The following PPIL4 variants were observed in gnomAD, a reference collection of about 807,000 sequenced individuals.
The protein encoded by PPIL4 is peptidyl-prolyl cis-trans isomerase-like 4.
PPIL4 carries 50 observed loss-of-function variants against 69.1 expected under a neutral mutation model. The ratio of observed to expected loss-of-function variants is 0.72; its 90% CI spans 0.58 to 0.92. The LOEUF is 0.92. PPIL4 is among the 40% of genes least tolerant of loss of function. The pLI is 0.00. For synonymous variants in PPIL4, 193 were observed against 191.6 expected, an observed-to-expected ratio of 1.01 and a Z score of -0.06; for missense variants, 480 against 587.9, an observed-to-expected ratio of 0.82 and a Z score of 1.90.
chr6:149,541,082 A>C (rs1399340241), intron 3 of PPIL4, 23 bp from the exon 4 acceptor site: 3 of 1,341,176 alleles, frequency 2.2e-6, no homozygotes, highest in Non-Finnish European at 3.2e-6. Context: ...ATAAGGTTAT[A>C]AATGTAAGTA....
At position 149,522,820 on chromosome 6, in the gene PPIL4, C is replaced by T. The variant is rs1777051183; in HGVS notation, c.871-1649G>A. ...TAGAGACGGGGTTTCACCATGTTGG[C>T]CAGGATGGTCTCGATCTCTTGACCT... On this transcript the variant is annotated intron_variant, in intron 9 of 12. Coordinates refer to ENST00000253329, the MANE Select transcript of PPIL4 (RefSeq NM_139126.4). Among the ~76,000 whole-genome samples the T allele has an allele frequency of 2.0e-5, 3 of 152,082 alleles. No individual in the cohort carries two copies. In the South Asian group the frequency reaches 6.2e-4, roughly 32 times the overall value.
intron 6 of PPIL4, 50 bp from the exon 7 acceptor site, chr6:149,533,624 T>C: frequency 9.5e-7 from 1 of 1,050,132 alleles, no homozygotes; most frequent in Non-Finnish European, 1.4e-6. Context: ...TAAAAAAATC[T>C]GAGAAACATA....
intron 12 of PPIL4, among the ~76,000 whole-genome samples, chr6:149,507,163 CAG>C (rs1245610811): frequency 2.0e-5 from 3 of 152,194 alleles, no homozygotes; most frequent in Non-Finnish European, 2.9e-5. Flanking sequence ...GCTTAAAATT[CAG>C]AGTGATGAAT....
At chr6:149,536,624 C>T (rs561113161) in intron 4 of PPIL4, among the ~76,000 whole-genome samples, 1 of 150,672 alleles carries the variant, frequency 6.6e-6, no homozygotes, top group Non-Finnish European at 1.5e-5. Context: ...TAACTTTATT[C>T]AATTCTATAA....
rs73781224 is a variant in PPIL4 at position 149,541,321 on chromosome 6, A to G, written c.203+46T>C. On this transcript the variant is annotated intron_variant, in intron 3 of 12. Coordinates refer to ENST00000253329, the MANE Select transcript of PPIL4 (RefSeq NM_139126.4). Reference sequence around the variant, plus strand: ...CTGCCCTTCCAGAGGTTAAAAGTAAATAAATAAATAAATAAATAAATAAAT... The same window carrying G: ...CTGCCCTTCCAGAGGTTAAAAGTAAGTAAATAAATAAATAAATAAATAAAT... 3,200 of 564,640 alleles carry G rather than the reference A, an allele frequency of 5.7e-3. 10 individuals are homozygous for G. The highest frequency in any genetic ancestry group is 7.1e-3 in the Non-Finnish European group (2,936 of 416,314). 35.0% of individuals were successfully genotyped at this position (564,640 alleles called of 1,614,324 possible). A position where few individuals can be genotyped will look rare whatever the true frequency, so the allele number is the denominator to read the frequency against.
At chr6:149,544,838 G>A (rs1244946140) in intron 1 of PPIL4, among the ~76,000 whole-genome samples, 2 of 152,172 alleles carry the variant, frequency 1.3e-5, no homozygotes, top group Non-Finnish European at 2.9e-5. Flanking sequence ...GCGGAGCACG[G>A]CAGGAGGTAG....
intron 4 of PPIL4, among the ~76,000 whole-genome samples, chr6:149,537,973 T>C (rs1277731660): frequency 2.0e-5 from 3 of 152,036 alleles, no homozygotes; most frequent in Admixed American, 2.0e-4. Context: ...TTAATATTGT[T>C]TTCAGCTGTG....
At chr6:149,527,667 A>AT (rs906432113) in intron 7 of PPIL4, among the ~76,000 whole-genome samples, 5 of 152,332 alleles carry the variant, frequency 3.3e-5, no homozygotes, top group African/African-American at 1.2e-4. Flanking sequence ...GAGACAACAA[A>AT]TACCCTGCTT....
At chr6:149,515,139 A>ATTT (rs60680973) in intron 11 of PPIL4, among the ~76,000 whole-genome samples, 1 of 138,316 alleles carries the variant, frequency 7.2e-6, no homozygotes, top group Non-Finnish European at 1.6e-5. Flanking sequence ...CACCCAGCCA[A>ATTT]TTTTTTTTTT....
chr6:149,535,754 C>G lies in PPIL4; in HGVS notation c.322-16G>C. ...TGATAAGAAACTATAAAGAAGGACA[C>G]ATAATAAATACCATAAAAATAATAC... On this transcript the variant is annotated splice_polypyrimidine_tract_variant and intron_variant, in intron 4 of 12. Transcript: ENST00000253329. 1 of 1,540,366 alleles carries G rather than the reference C, an allele frequency of 6.5e-7. No homozygotes were observed. Among genetic ancestry groups the G allele is most frequent in the Non-Finnish European group, 8.9e-7 (1 of 1,126,952 alleles).
At position 149,527,376 on chromosome 6, in the gene PPIL4, C is replaced by T. The variant is rs535699070; in HGVS notation, c.679-600G>A. On this transcript the variant is annotated intron_variant, in intron 7 of 12. Transcript: ENST00000253329. ...CATAAATAAACAAATAAAATAAAGA[C>T]AAGTAAAGTGAAATTTAAAAGGTTA... Among the ~76,000 whole-genome samples the T allele has an allele frequency of 3.5e-4, 53 of 152,224 alleles. No individual in the cohort carries two copies. The South Asian group carries it at 7.9e-3, about 23-fold the overall frequency.
Position 149,517,411 on chromosome 6 carries a change from T to C in PPIL4, c.1022A>G (p.Lys341Arg). 6.2e-7 allele frequency: 1 copy of C among 1,606,866 alleles called. No individual in the cohort carries two copies. Among genetic ancestry groups the C allele is most frequent in the Non-Finnish European group, 8.5e-7 (1 of 1,175,184 alleles). Residue 341 changes from lysine to arginine, a missense_variant, in exon 11 of 13, where the codon AAA becomes AGA. Transcript: ENST00000253329. Reference sequence around the variant, plus strand: ...CAAATTAGGTGGTTTATCCTGTTCTTTTTCATACTCCTTGAAATCACTCTT... The same window carrying C: ...CAAATTAGGTGGTTTATCCTGTTCTCTTTCATACTCCTTGAAATCACTCTT... ...YTKSDFKEYE[K>R]EQDKPPNLVL...
intron 7 of PPIL4, among the ~76,000 whole-genome samples, chr6:149,531,033 C>G (rs1408927717): frequency 6.6e-6 from 1 of 152,094 alleles, no homozygotes; most frequent in East Asian, 1.9e-4. Flanking sequence ...TAACCTGAAT[C>G]TAATCATGAG....
chr6:149,522,513 G>A (rs568778288), intron 9 of PPIL4, among the ~76,000 whole-genome samples: 2 of 152,160 alleles, frequency 1.3e-5, no homozygotes, highest in African/African-American at 2.4e-5. Flanking sequence ...TATGGATACC[G>A]ATTTATAACA....
chr6:149,544,504 A>G (rs1164660264), intron 1 of PPIL4, among the ~76,000 whole-genome samples: 1 of 152,206 alleles, frequency 6.6e-6, no homozygotes, highest in African/African-American at 2.4e-5. Context: ...TGGAGTTTAC[A>G]TTCTTGAGCG....
Position 149,535,623 on chromosome 6 carries a change from T to C in PPIL4, c.437A>G (p.Lys146Arg), listed in dbSNP as rs192441179. The C allele has an allele frequency of 1.6e-5, 26 of 1,612,876 alleles. No individual in the cohort carries two copies. In the East Asian group the frequency reaches 5.6e-4, roughly 35 times the overall value. Residue 146 changes from lysine to arginine, a missense_variant, in exon 5 of 13, where the codon AAG becomes AGG. Lys to Arg is a conservative substitution (Grantham distance 26). Coordinates refer to ENST00000253329, the MANE Select transcript of PPIL4 (RefSeq NM_139126.4). ...IKKINETFVD[K>R]DFVPYQDIRI... is the part of the protein sequence containing the mutation. ...GATATCCTGATATGGTACAAAGTCC[T>C]TGTCAACAAAGGTCTCATTAATTTT...
intron 7 of PPIL4, among the ~76,000 whole-genome samples, chr6:149,532,112 T>G (rs544832941): frequency 1.3e-5 from 2 of 152,290 alleles, no homozygotes; most frequent in East Asian, 3.9e-4. Flanking sequence ...AACAGGCAAC[T>G]TACTGTCAAA....
chr6:149,545,732 G>A (rs1458707289), intron 1 of PPIL4, among the ~76,000 whole-genome samples: 1 of 152,164 alleles, frequency 6.6e-6, no homozygotes, highest in African/African-American at 2.4e-5. Context: ...CAAAATACGG[G>A]AGAAGGGCTG....
At chr6:149,518,550 CAAAAAA>C (rs1776980936) in intron 10 of PPIL4, among the ~76,000 whole-genome samples, 1 of 152,016 alleles carries the variant, frequency 6.6e-6, no homozygotes, top group African/African-American at 2.4e-5. Flanking sequence ...ATAGGGTAAG[CAAAAAA>C]GACAAGATCA....
Sources: allele counts gnomAD v4.1 joint callset (sites outside exome capture counted in the v4.1 genomes callset), GRCh38; gene constraint gnomAD v4.1.1; transcripts MANE v1.5; gene names NCBI Gene and HGNC (gene_info 2026-07-23, HGNC 2026-07-21).